Variants in KCNQ1OT1 observed in about 807,000 individuals in gnomAD.
The protein encoded by KCNQ1OT1 is KCNQ1 opposite strand/antisense transcript 1, also known as KCNQ1 antisense RNA 2 (non-protein coding).
chr11:2,646,973 C>G, exon 1 of KCNQ1OT1: 1 of 398,498 alleles, frequency 2.5e-6, no homozygotes. Flanking sequence ...TTTGGATACC[C>G]TTTTTCTTTT....
Position 2,690,825 on chromosome 11 carries a change from C to T in KCNQ1OT1, n.9170G>A. On this transcript the variant is annotated non_coding_transcript_exon_variant, in exon 1 of 1. Coordinates refer to ENST00000597346, the Ensembl canonical transcript of KCNQ1OT1. This position sits in a 1 kb window ranked among gnomAD's most constrained non-coding sequence, Gnocchi z 5.1. ...GTCTCCTTGGCTTCCAGCTTCCAGG[C>T]TCTGGCACTCCCACTGTTAGGAACA... The T allele has an allele frequency of 2.5e-6, 1 of 398,618 alleles. No individual in the cohort carries two copies. Among genetic ancestry groups the T allele is most frequent in the East Asian group, 3.6e-5 (1 of 28,086 alleles). 24.7% of individuals were successfully genotyped at this position (398,618 alleles called of 1,614,324 possible).
At chr11:2,693,562 G>A (rs552089022) in exon 1 of KCNQ1OT1, 18 of 398,524 alleles carry the variant, frequency 4.5e-5, no homozygotes, top group Non-Finnish European at 4.9e-5. Flanking sequence ...AAGGCTTTTC[G>A]GAGGAGCAGG....
Position 2,608,401 on chromosome 11 carries a change from A to G in KCNQ1OT1, n.91594T>C. The G allele has an allele frequency of 2.5e-6, 1 of 398,614 alleles. No homozygotes were observed. The highest frequency in any genetic ancestry group is 4.4e-6 in the Non-Finnish European group (1 of 226,066). The allele number at this position is 398,614 out of a possible 1,614,324, so 24.7% of individuals were successfully genotyped here. A position where few individuals can be genotyped will look rare whatever the true frequency, so the allele number is the denominator to read the frequency against. ...CTAAGTTTTATAATTTATTGGCACA[A>G]AATTGTTCATAGTGTTCCTTCATAA... On this transcript the variant is annotated non_coding_transcript_exon_variant, in exon 1 of 1. Transcript: ENST00000597346. The surrounding 1 kb of genome is among the most constrained non-coding windows in gnomAD (Gnocchi z 4.6).
At chr11:2,655,179 G>C (rs1216332333) in exon 1 of KCNQ1OT1, 1 of 398,500 alleles carries the variant, frequency 2.5e-6, no homozygotes, top group Non-Finnish European at 4.4e-6. Flanking sequence ...CTCTTGAGAG[G>C]GTGAGACTTG....
Position 2,661,691 on chromosome 11 carries a change from G to A in KCNQ1OT1, n.38304C>T. On this transcript the variant is annotated non_coding_transcript_exon_variant, in exon 1 of 1. Transcript: ENST00000597346. This position sits in a 1 kb window ranked among gnomAD's most constrained non-coding sequence, Gnocchi z 5.9. ...AGAACCTGAGGTGGGGAGAGTCTTG[G>A]ACACCTGAGCACAGCCCCAGGCACA... 3.3e-6 allele frequency: 2 copies of A among 602,028 alleles called. No individual in the cohort carries two copies. The highest frequency in any genetic ancestry group is 1.9e-5 in the African/African-American group (1 of 54,022). 37.3% of individuals were successfully genotyped at this position (602,028 alleles called of 1,614,324 possible).
chr11:2,683,420 C>T lies in KCNQ1OT1; in HGVS notation n.16575G>A, dbSNP rs1850431333. ...GTTTGTCCAATGGCTAAGCTTTCCC[C>T]AGGAATGGGTAACTGGAAAAATGTA... On this transcript the variant is annotated non_coding_transcript_exon_variant, in exon 1 of 1. Coordinates refer to ENST00000597346, the Ensembl canonical transcript of KCNQ1OT1. The surrounding 1 kb of genome is among the most constrained non-coding windows in gnomAD (Gnocchi z 4.7). 1 of 398,488 alleles carries T rather than the reference C, an allele frequency of 2.5e-6. No homozygotes were observed. The highest frequency in any genetic ancestry group is 4.4e-6 in the Non-Finnish European group (1 of 226,076). The allele number at this position is 398,488 out of a possible 1,614,324, so 24.7% of individuals were successfully genotyped here. A position where few individuals can be genotyped will look rare whatever the true frequency, so the allele number is the denominator to read the frequency against.
exon 1 of KCNQ1OT1, chr11:2,656,947 A>G: frequency 2.5e-6 from 1 of 398,632 alleles, no homozygotes; most frequent in East Asian, 3.6e-5. Context: ...CAGTGTGGGT[A>G]TCCAACTGCT....
chr11:2,665,802 AGG>A (rs937526617), exon 1 of KCNQ1OT1: 9 of 398,494 alleles, frequency 2.3e-5, no homozygotes, highest in Non-Finnish European at 4.0e-5. Flanking sequence ...AGATGAAGCA[AGG>A]ACTGCAGACA....
chr11:2,622,190 A>T (rs1014683997), exon 1 of KCNQ1OT1: 20 of 398,034 alleles, frequency 5.0e-5, no homozygotes, highest in Non-Finnish European at 8.0e-5. Context: ...TGTCTTTCTC[A>T]CTCCAATTCT....
rs146566065 is a variant in KCNQ1OT1 at position 2,686,038 on chromosome 11, G to A, written n.13957C>T. The stretch of plus-strand genomic sequence containing the variant: ...GGCTCACTCTAAGCCCCGCCAGCTC[G>A]CACCATCTGATGGGGCAGGGGCAGG... On this transcript the variant is annotated non_coding_transcript_exon_variant, in exon 1 of 1. Coordinates refer to ENST00000597346, the Ensembl canonical transcript of KCNQ1OT1. The A allele has an allele frequency of 3.6e-4, 144 of 399,362 alleles. 1 individual carries two copies. The highest frequency in any genetic ancestry group is 2.4e-3 in the African/African-American group (115 of 48,772). 24.7% of individuals were successfully genotyped at this position (399,362 alleles called of 1,614,324 possible).
At chr11:2,644,566 G>A (rs915312718) in exon 1 of KCNQ1OT1, 2 of 398,268 alleles carry the variant, frequency 5.0e-6, no homozygotes, top group African/African-American at 2.1e-5. Context: ...CTTTTTCACT[G>A]GAATCTGTTG....
exon 1 of KCNQ1OT1, chr11:2,675,835 G>A (rs2073953): frequency 0.014 from 5,602 of 398,684 alleles, 188 homozygotes; most frequent in East Asian, 0.094. Flanking sequence ...CTGCCCTACC[G>A]TGCATCCACT....
exon 1 of KCNQ1OT1, chr11:2,643,465 A>G: frequency 2.5e-6 from 1 of 398,430 alleles, no homozygotes; most frequent in Non-Finnish European, 4.4e-6. Flanking sequence ...TGATGAAAGT[A>G]TAGCTACTCC....
In KCNQ1OT1 at chr11:2,674,457, G is replaced by T; in HGVS notation, n.25538C>A. Reference sequence around the variant, plus strand: ...GAGGCTGGGGGGAGGCACGTGGGGAGGAGGGCTGCCTGTCGAGATGTGTAA... The same window carrying T: ...GAGGCTGGGGGGAGGCACGTGGGGATGAGGGCTGCCTGTCGAGATGTGTAA... On this transcript the variant is annotated non_coding_transcript_exon_variant, in exon 1 of 1. Coordinates refer to ENST00000597346, the Ensembl canonical transcript of KCNQ1OT1. This position sits in a 1 kb window ranked among gnomAD's most constrained non-coding sequence, Gnocchi z 5.9. The T allele has an allele frequency of 2.5e-6, 1 of 398,696 alleles. No homozygotes were observed. The highest frequency in any genetic ancestry group is 4.4e-6 in the Non-Finnish European group (1 of 226,124). 24.7% of individuals were successfully genotyped at this position (398,696 alleles called of 1,614,324 possible).
chr11:2,617,506 T>A lies in KCNQ1OT1; in HGVS notation n.82489A>T. On this transcript the variant is annotated non_coding_transcript_exon_variant, in exon 1 of 1. Transcript: ENST00000597346. This position sits in a 1 kb window ranked among gnomAD's most constrained non-coding sequence, Gnocchi z 4.6. ...GTTTTCATATCGTGACTCATGCATA[T>A]AATGCCACAATGAATATAGGAGCGC... 2.5e-6 allele frequency: 1 copy of A among 398,494 alleles called. No individual in the cohort carries two copies. The highest frequency in any genetic ancestry group is 4.4e-6 in the Non-Finnish European group (1 of 225,980). The allele number at this position is 398,494 out of a possible 1,614,324, so 24.7% of individuals were successfully genotyped here.
chr11:2,632,837 G>C, exon 1 of KCNQ1OT1: 1 of 398,388 alleles, frequency 2.5e-6, no homozygotes, highest in Non-Finnish European at 4.4e-6. Flanking sequence ...GATTTAAGTT[G>C]ATTCCATATC....
exon 1 of KCNQ1OT1, chr11:2,650,448 G>A (rs1330413902): frequency 7.5e-6 from 3 of 398,470 alleles, no homozygotes; most frequent in Non-Finnish European, 1.3e-5. Context: ...TATCATTTGG[G>A]TAGGGTGCTT....
chr11:2,676,851 G>T lies in KCNQ1OT1; in HGVS notation n.23144C>A, dbSNP rs1237477348. The T allele has an allele frequency of 2.5e-6, 1 of 398,512 alleles. No individual in the cohort carries two copies. The highest frequency in any genetic ancestry group is 4.4e-6 in the Non-Finnish European group (1 of 226,082). The allele number at this position is 398,512 out of a possible 1,614,324, so 24.7% of individuals were successfully genotyped here. A position where few individuals can be genotyped will look rare whatever the true frequency, so the allele number is the denominator to read the frequency against. ...GGTCATGTTGTAATGACACCTGTCA[G>T]CTTTGACTGGGGAGCCCTTTCATTT... On this transcript the variant is annotated non_coding_transcript_exon_variant, in exon 1 of 1. Transcript: ENST00000597346. The surrounding 1 kb of genome is among the most constrained non-coding windows in gnomAD (Gnocchi z 4.2).
rs1298637566 is a variant in KCNQ1OT1 at position 2,658,173 on chromosome 11, CTG to C, written n.41820_41821del. The C allele has an allele frequency of 1.3e-5, 5 of 398,464 alleles. No homozygotes were observed. The highest frequency in any genetic ancestry group is 1.8e-5 in the Non-Finnish European group (4 of 226,042). 24.7% of individuals were successfully genotyped at this position (398,464 alleles called of 1,614,324 possible). On this transcript the variant is annotated non_coding_transcript_exon_variant, in exon 1 of 1. Transcript: ENST00000597346. This position sits in a 1 kb window ranked among gnomAD's most constrained non-coding sequence, Gnocchi z 4.9. The stretch of plus-strand genomic sequence containing the variant: ...ATTAAAATACATTTCAAGGAAGAAA[CTG>C]TGAAGTTTCTGAGTTTCACTAACTA...
Sources: gnomAD v4.1 joint callset for allele counts on GRCh38, gnomAD v4.1.1 for gene constraint, Gnocchi (gnomAD v3.1) non-coding constraint, MANE v1.5 for transcripts, NCBI Gene and HGNC (gene_info 2026-07-23, HGNC 2026-07-21) for gene names.